Variants in OLFM3 observed in about 807,000 individuals in gnomAD.
OLFM3 encodes olfactomedin 3, also known as noelin-3.
In OLFM3, 20 loss-of-function variants were observed where a neutral mutation model predicts 48.6. That is an observed-to-expected ratio of 0.41 (90% CI 0.29 to 0.60). The LOEUF (loss-of-function observed/expected upper bound fraction) is 0.60. Ranked by LOEUF, OLFM3 falls within the 20% of genes least tolerant of loss-of-function variation. OLFM3 has a pLI of 0.28. For synonymous variants in OLFM3, 222 were observed against 198.1 expected (o/e 1.12, Z -1.01); for missense variants, 437 against 544.3 (o/e 0.80, Z 1.96).
intron 1 of OLFM3, among the ~76,000 whole-genome samples, chr1:101,880,414 C>A (rs989361961): frequency 6.6e-6 from 1 of 151,788 alleles, no homozygotes; most frequent in Non-Finnish European, 1.5e-5. Flanking sequence ...CTGACTGCTG[C>A]TGTAAAGTGC....
intron 1 of OLFM3, among the ~76,000 whole-genome samples, chr1:101,944,724 A>G (rs1361153046): frequency 6.6e-6 from 1 of 152,082 alleles, no homozygotes; most frequent in Non-Finnish European, 1.5e-5. Context: ...TACTAAAAAT[A>G]CAAAAATTAG....
intron 1 of OLFM3, among the ~76,000 whole-genome samples, chr1:101,958,008 G>A (rs1011053446): frequency 1.3e-5 from 2 of 152,034 alleles, no homozygotes; most frequent in Non-Finnish European, 2.9e-5. Flanking sequence ...GATTTATGTG[G>A]CTAAATGAAT....
At chr1:101,860,251 C>T in intron 1 of OLFM3, among the ~76,000 whole-genome samples, 1 of 151,800 alleles carries the variant, frequency 6.6e-6, no homozygotes, top group East Asian at 1.9e-4. Flanking sequence ...TAAATAGGTA[C>T]CAATATTTCT....
chr1:101,897,892 A>G (rs1179261024), intron 1 of OLFM3, among the ~76,000 whole-genome samples: 1 of 152,194 alleles, frequency 6.6e-6, no homozygotes, highest in Non-Finnish European at 1.5e-5. Context: ...GATCACAAAC[A>G]AAAACACTTC....
intron 1 of OLFM3, among the ~76,000 whole-genome samples, chr1:101,852,788 CTAGTT>C (rs1434073669): frequency 6.6e-5 from 10 of 152,122 alleles, no homozygotes. Context: ...TGGCAACACT[CTAGTT>C]AAGTTGCTCA....
chr1:101,818,978 T>G (rs1654472491), intron 4 of OLFM3, among the ~76,000 whole-genome samples: 1 of 152,098 alleles, frequency 6.6e-6, no homozygotes, highest in Non-Finnish European at 1.5e-5. Context: ...TTCTGATCTC[T>G]CAGTGCAGGG....
At chr1:101,935,153 A>T (rs1243960557) in intron 1 of OLFM3, among the ~76,000 whole-genome samples, 1 of 148,908 alleles carries the variant, frequency 6.7e-6, no homozygotes, top group African/African-American at 2.5e-5. Flanking sequence ...TCTTTTGTAT[A>T]AAAAAAAATA....
intron 1 of OLFM3, among the ~76,000 whole-genome samples, chr1:101,868,027 C>T (rs1019444470): frequency 6.6e-6 from 1 of 152,156 alleles, no homozygotes; most frequent in Non-Finnish European, 1.5e-5. Flanking sequence ...CTTCCCCTTC[C>T]ACCACGACTG....
At chr1:101,943,104 C>G (rs1055400655) in intron 1 of OLFM3, among the ~76,000 whole-genome samples, 1 of 152,148 alleles carries the variant, frequency 6.6e-6, no homozygotes, top group African/African-American at 2.4e-5. Context: ...TCTAGTTAGT[C>G]TTTCAAGCAT....
chr1:101,843,920 G>A (rs144648141), intron 1 of OLFM3, among the ~76,000 whole-genome samples: 2 of 151,588 alleles, frequency 1.3e-5, no homozygotes, highest in Non-Finnish European at 1.5e-5. Context: ...CAAGACCTGC[G>A]TGTGCGTGTG....
intron 1 of OLFM3, among the ~76,000 whole-genome samples, chr1:101,985,660 A>G (rs1661214450): frequency 6.6e-6 from 1 of 152,368 alleles, no homozygotes; most frequent in East Asian, 1.9e-4. Context: ...AGATAAAGAC[A>G]GTAGAAACAA....
intron 1 of OLFM3, among the ~76,000 whole-genome samples, chr1:101,964,888 G>A (rs755935296): frequency 1.3e-5 from 2 of 152,218 alleles, no homozygotes; most frequent in Non-Finnish European, 2.9e-5. Context: ...CAAGGGAACT[G>A]GCATTTTGCC....
At chr1:101,882,692 T>C (rs1404048691) in intron 1 of OLFM3, 3 of 151,686 alleles carry the variant, frequency 2.0e-5, no homozygotes, top group African/African-American at 7.3e-5. Context: ...GACCACAATC[T>C]AGATAGACTC....
At chr1:101,930,631 G>C (rs1297109704) in intron 1 of OLFM3, among the ~76,000 whole-genome samples, 1 of 152,200 alleles carries the variant, frequency 6.6e-6, no homozygotes, top group Non-Finnish European at 1.5e-5. Context: ...GGTAGCAAAA[G>C]TATGGTAGGT....
chr1:101,854,673 A>G (rs1259229977), intron 1 of OLFM3, among the ~76,000 whole-genome samples: 2 of 152,054 alleles, frequency 1.3e-5, no homozygotes, highest in African/African-American at 4.8e-5. Context: ...TTCTTCAAAT[A>G]GGAAATAAAG....
chr1:101,983,259 G>A (rs1019163612), intron 1 of OLFM3, among the ~76,000 whole-genome samples: 2 of 152,072 alleles, frequency 1.3e-5, no homozygotes. Flanking sequence ...CTTCATACAT[G>A]CTGTTGCCAT....
At chr1:101,935,104 A>G (rs1659568234) in intron 1 of OLFM3, among the ~76,000 whole-genome samples, 1 of 152,100 alleles carries the variant, frequency 6.6e-6, no homozygotes, top group Admixed American at 6.6e-5. Context: ...GCAGAAGACA[A>G]GAAAAAACCA....
intron 1 of OLFM3, chr1:101,893,997 GCATGAGGATGATAAA>G (rs1355014856): frequency 6.5e-6 from 1 of 153,476 alleles, no homozygotes; most frequent in Non-Finnish European, 1.5e-5. Flanking sequence ...CAATGGAAAA[GCATGAGGATGATAAA>G]CATCATTTCA....
intron 1 of OLFM3, among the ~76,000 whole-genome samples, chr1:101,856,228 G>A (rs1050704258): frequency 6.6e-6 from 1 of 151,928 alleles, no homozygotes; most frequent in Non-Finnish European, 1.5e-5. Context: ...TAAAGATCTG[G>A]TGTTGAAATA....
Sources: gnomAD v4.1 joint callset for allele counts (sites outside exome capture counted in the v4.1 genomes callset) on GRCh38, gnomAD v4.1.1 for gene constraint, MANE v1.5 for transcripts, NCBI Gene and HGNC (gene_info 2026-07-23, HGNC 2026-07-21) for gene names.